NCKIPSD: variants seen among roughly 807,000 people sequenced by gnomAD.
The protein encoded by NCKIPSD is NCK interacting protein with SH3 domain, also known as NCK-interacting protein with SH3 domain.
NCKIPSD carries 48 observed loss-of-function variants against 73.4 expected under a neutral mutation model. That is an observed-to-expected ratio of 0.65 (90% confidence interval 0.52 to 0.83). The LOEUF (loss-of-function observed/expected upper bound fraction) is 0.83. Among genes scored for constraint, NCKIPSD ranks in the 40% least tolerant of loss-of-function variants. The pLI, the probability that NCKIPSD is intolerant of heterozygous loss-of-function variation, is 0.00. For missense variants in NCKIPSD, 884 were observed against 970.2 expected (o/e 0.91, Z 1.18); for synonymous variants, 422 against 403.6 (o/e 1.05, Z -0.54).
At chr3:48,677,907 A>T (rs1166065610) in intron 12 of NCKIPSD, among the ~76,000 whole-genome samples, 1 of 151,870 alleles carries the variant, frequency 6.6e-6, no homozygotes, top group Non-Finnish European at 1.5e-5. Context: ...TCTAGTCTCA[A>T]CTCATTCCCC....
At chr3:48,682,751 C>T (rs965974944) in intron 2 of NCKIPSD, 152 bp downstream of exon 2, 5 of 1,253,264 alleles carry the variant, frequency 4.0e-6, no homozygotes, top group Non-Finnish European at 4.4e-6. Context: ...CTGAAGGACC[C>T]GACCCCACCT....
chr3:48,678,502 CCCCA>C, intron 12 of NCKIPSD, 58 bp downstream of exon 12: 1 of 1,525,390 alleles, frequency 6.6e-7, no homozygotes, highest in Non-Finnish European at 8.8e-7. Context: ...ATGTCATGCC[CCCCA>C]CCATTTTGTT....
Position 48,682,571 on chromosome 3 carries a change from G to A in NCKIPSD, c.282-19C>T. The A allele has an allele frequency of 6.2e-7, 1 of 1,612,418 alleles. No homozygotes were observed. The highest frequency in any genetic ancestry group is 8.5e-7 in the Non-Finnish European group (1 of 1,178,846). ...CAGCTTCCTGATGGAAGGACAGGAA[G>A]ACTATTGGGGGGTTGCATCTCACAG... On this transcript the variant is annotated intron_variant, in intron 2 of 12. Coordinates refer to ENST00000294129, the MANE Select transcript of NCKIPSD (RefSeq NM_016453.4).
chr3:48,677,026 C>T (rs182903298), intron 12 of NCKIPSD, among the ~76,000 whole-genome samples: 1 of 147,858 alleles, frequency 6.8e-6, no homozygotes, highest in Admixed American at 6.7e-5. Flanking sequence ...ATCCACCCAC[C>T]TCAGCCTCCC....
chr3:48,678,610 A>G lies in NCKIPSD; in HGVS notation c.1919T>C (p.Ile640Thr). 1 of 1,614,132 alleles carries G rather than the reference A, an allele frequency of 6.2e-7. No individual in the cohort carries two copies. Among genetic ancestry groups the G allele is most frequent in the Non-Finnish European group, 8.5e-7 (1 of 1,180,000 alleles). Residue 640 changes from isoleucine (I) to threonine (T), a missense_variant, in exon 12 of 13, where the codon ATT (isoleucine) becomes ACT (threonine). Physicochemically the swap from Ile to Thr is moderately conservative, Grantham distance 89 (BLOSUM62 -1). Coordinates refer to ENST00000294129, the MANE Select transcript of NCKIPSD (RefSeq NM_016453.4). ...TGCGATGTGCCGCACAGTGATGTCAATGAGAGCCATCATGTCTGTGTGGTA... is the reference window on the plus strand; with the variant it reads ...TGCGATGTGCCGCACAGTGATGTCAGTGAGAGCCATCATGTCTGTGTGGTA... ...IFYHTDMMAL[I>T]DITVRHIADL...
chr3:48,683,216 A>T (rs1179987923), intron 1 of NCKIPSD, among the ~76,000 whole-genome samples: 1 of 152,222 alleles, frequency 6.6e-6, no homozygotes, highest in Admixed American at 6.5e-5. Context: ...GGTGACCCCC[A>T]TGCTGCCACA....
Position 48,682,923 on chromosome 3 carries a change from C to T in NCKIPSD, c.261G>A (p.Leu87=), listed in dbSNP as rs1039381225. 17 of 1,552,024 alleles carry T rather than the reference C, an allele frequency of 1.1e-5. No individual in the cohort carries two copies. The highest frequency in any genetic ancestry group is 2.2e-4 in the Middle Eastern group (1 of 4,562). ...CTCACTGGAGGACTCCACGCTGTTCCAGGCTGTACTTGCCACCATCCCGCA... is the reference window on the plus strand; with the variant it reads ...CTCACTGGAGGACTCCACGCTGTTCTAGGCTGTACTTGCCACCATCCCGCA... ...TAMRDGGKYS[L]EQRGVLQKLI... is the part of the protein sequence containing the mutation. Residue 87 remains leucine (L), a synonymous_variant, in exon 2 of 13, where the codon CTG becomes CTA. Transcript: ENST00000294129.
Position 48,678,600 on chromosome 3 carries a change from A to G in NCKIPSD, c.1929T>C (p.Thr643=). 1 of 1,614,038 alleles carries G rather than the reference A, an allele frequency of 6.2e-7. No homozygotes were observed. ...GTGACAGGTCTGCGATGTGCCGCAC[A>G]GTGATGTCAATGAGAGCCATCATGT... is the stretch of plus-strand genomic sequence containing the variant. The part of the protein sequence containing the change: ...HTDMMALIDI[T]VRHIADLSPG... Residue 643 remains threonine (T), a synonymous_variant, in exon 12 of 13, where the codon ACT becomes ACC. Transcript: ENST00000294129.
chr3:48,682,234 T>G, intron 3 of NCKIPSD, 78 bp from the exon 4 acceptor site: 5 of 1,563,596 alleles, frequency 3.2e-6, no homozygotes, highest in Non-Finnish European at 4.3e-6. Context: ...GAGCCCTGGC[T>G]GTGGGCAGGA....
Position 48,680,374 on chromosome 3 carries a change from C to T in NCKIPSD, c.1093-145G>A, listed in dbSNP as rs944937021. On this transcript the variant is annotated intron_variant, in intron 5 of 12. Transcript: ENST00000294129. ...GGCCCACACTGGACAGGAGGCTCAA[C>T]TCCAGTCTTGATGACCTCCCAGGAC... 4.3e-6 allele frequency: 4 copies of T among 931,260 alleles called. No homozygotes were observed. The East Asian group carries it at 8.3e-5, about 19-fold the overall frequency. 57.7% of individuals were successfully genotyped at this position (931,260 alleles called of 1,614,324 possible).
rs563262573 is a variant in NCKIPSD at position 48,684,019 on chromosome 3, C to CACACACAG, written c.172-1008_172-1007insCTGTGTGT. On this transcript the variant is annotated intron_variant, in intron 1 of 12. Transcript: ENST00000294129. ...ACACACACACACACACACACACACACAGAGAGAGAGAGAAAGAAAGGAATG... is the reference window on the plus strand; with the variant it reads ...ACACACACACACACACACACACACACACACACAGAGAGAGAGAGAGAAAGAAAGGAATG... Among the ~76,000 whole-genome samples, 147 of 141,338 alleles carry CACACACAG rather than the reference C, an allele frequency of 1.0e-3. 1 individual carries two copies. The highest frequency in any genetic ancestry group is 3.7e-3 in the African/African-American group (134 of 35,846). 92.7% of individuals were successfully genotyped at this position (141,338 alleles called of 152,430 possible).
At position 48,674,476 on chromosome 3, in the gene NCKIPSD, C is replaced by T; in HGVS notation, c.*68G>A. ...CCTCCCACTGTCAGTGCAAAACATTCTTAGGGCCAAGCCCCTGAGTCCCCT... is the reference window on the plus strand; with the variant it reads ...CCTCCCACTGTCAGTGCAAAACATTTTTAGGGCCAAGCCCCTGAGTCCCCT... On this transcript the variant is annotated 3_prime_UTR_variant, in exon 13 of 13. Transcript: ENST00000294129. 1.3e-6 allele frequency: 2 copies of T among 1,526,604 alleles called. No homozygotes were observed. Among genetic ancestry groups the T allele is most frequent in the East Asian group, 2.5e-5 (1 of 40,674 alleles). The allele number at this position is 1,526,604 out of a possible 1,614,324, so 94.6% of individuals were successfully genotyped here. A position where few individuals can be genotyped will look rare whatever the true frequency, so the allele number is the denominator to read the frequency against.
chr3:48,673,889 T>C lies in NCKIPSD; in HGVS notation c.*655A>G, dbSNP rs2077212307. 5 of 1,054,188 alleles carry C rather than the reference T, an allele frequency of 4.7e-6. No individual in the cohort carries two copies. The highest frequency in any genetic ancestry group is 5.4e-5 in the Admixed American group (1 of 18,432). 65.3% of individuals were successfully genotyped at this position (1,054,188 alleles called of 1,614,324 possible). A position where few individuals can be genotyped will look rare whatever the true frequency, so the allele number is the denominator to read the frequency against. ...ATTTCCAAAGGAGAGCTACAGCACA[T>C]AGGAAAATACACATGGCTTTTCAGT... On this transcript the variant is annotated 3_prime_UTR_variant, in exon 13 of 13. Coordinates refer to ENST00000294129, the MANE Select transcript of NCKIPSD (RefSeq NM_016453.4).
At position 48,681,235 on chromosome 3, in the gene NCKIPSD, G is replaced by A. The variant is rs188308741; in HGVS notation, c.1092+52C>T. On this transcript the variant is annotated intron_variant, in intron 5 of 12. Transcript: ENST00000294129. ...TGTACAGGCTGGACAAGTGTGTGAC[G>A]GTGGGAACAGGGTGGGTAGCAGGGT... 32 of 1,518,116 alleles carry A rather than the reference G, an allele frequency of 2.1e-5. No individual in the cohort carries two copies. In the East Asian group the frequency reaches 2.7e-4, roughly 13 times the overall value. The allele number at this position is 1,518,116 out of a possible 1,614,324, so 94.0% of individuals were successfully genotyped here.
intron 1 of NCKIPSD, 63 bp from the exon 2 acceptor site, chr3:48,683,075 C>T: frequency 6.5e-7 from 1 of 1,542,012 alleles, no homozygotes; most frequent in Non-Finnish European, 8.7e-7. Flanking sequence ...AGCCCAGGCC[C>T]AGCCCGAGAT....
chr3:48,681,171 AG>A lies in NCKIPSD; in HGVS notation c.1092+115del, dbSNP rs746528965. On this transcript the variant is annotated intron_variant, in intron 5 of 12. Transcript: ENST00000294129. ...GCTCAACGTCCCCAGTGCCCAGCAC[AG>A]TAAGAGCTCAGAGCCAGAGCTTGAG... 61 of 1,435,624 alleles carry A rather than the reference AG, an allele frequency of 4.2e-5. No individual in the cohort carries two copies. In the South Asian group the frequency reaches 5.2e-4, roughly 12 times the overall value. 88.9% of individuals were successfully genotyped at this position (1,435,624 alleles called of 1,614,324 possible).
In NCKIPSD at chr3:48,674,350, G is replaced by T; in HGVS notation, c.*194C>A. The stretch of plus-strand genomic sequence containing the variant: ...TAGCTTGCATATTCCCCCTGCCCCA[G>T]AACAGCTCCCAGACCATGGTCCCCA... On this transcript the variant is annotated 3_prime_UTR_variant, in exon 13 of 13. Transcript: ENST00000294129. 7.0e-7 allele frequency: 1 copy of T among 1,432,210 alleles called. No individual in the cohort carries two copies. The highest frequency in any genetic ancestry group is 9.1e-7 in the Non-Finnish European group (1 of 1,096,296). The allele number at this position is 1,432,210 out of a possible 1,614,324, so 88.7% of individuals were successfully genotyped here.
Position 48,681,491 on chromosome 3 carries a change from C to A in NCKIPSD, c.888G>T (p.Gly296=). ...CAGCTGCTGCCTTCTCCTCTGTGGT[C>A]CCCAGGCTCAGTGTACCCAGGGCTT... ...DLEALGTLSL[G]TTEEKAAAEA... The change falls in exon 5 of 13, where the codon GGG becomes GGT. Residue 296 remains glycine (G), a synonymous_variant. Coordinates refer to ENST00000294129, the MANE Select transcript of NCKIPSD (RefSeq NM_016453.4). 6.2e-7 allele frequency: 1 copy of A among 1,614,132 alleles called. No homozygotes were observed. Among genetic ancestry groups the A allele is most frequent in the Non-Finnish European group, 8.5e-7 (1 of 1,180,038 alleles).
chr3:48,685,899 G>A lies in NCKIPSD; in HGVS notation c.-92C>T, dbSNP rs1289132331. 1.4e-5 allele frequency: 17 copies of A among 1,228,402 alleles called. No homozygotes were observed. Among genetic ancestry groups the A allele is most frequent in the Middle Eastern group, 2.9e-4 (1 of 3,416 alleles). 76.1% of individuals were successfully genotyped at this position (1,228,402 alleles called of 1,614,324 possible). ...CGCCGAGCCGCGCCGCGGTTGTCCC[G>A]CCCCGTGACACACTACGCAGGCGCG... On this transcript the variant is annotated 5_prime_UTR_variant, in exon 1 of 13. Transcript: ENST00000294129.
Sources: gnomAD v4.1 joint callset for allele counts (sites outside exome capture counted in the v4.1 genomes callset) on GRCh38, gnomAD v4.1.1 for gene constraint, MANE v1.5 for transcripts, NCBI Gene and HGNC (gene_info 2026-07-23, HGNC 2026-07-21) for gene names.